Variants in DNAH5 observed in about 807,000 individuals in gnomAD.
DNAH5 encodes dynein axonemal heavy chain 5.
In DNAH5, 372 loss-of-function variants were observed where a neutral mutation model predicts 518.2. The ratio of observed to expected loss-of-function variants is 0.72; its 90% CI spans 0.66 to 0.78. The LOEUF is 0.78. Ranked by LOEUF, DNAH5 falls within the 30% of genes least tolerant of loss-of-function variation. The pLI is 0.00. For missense variants in DNAH5, 5,523 were observed against 5,687.0 expected, an observed-to-expected ratio of 0.97 and a Z score of 0.93; for synonymous variants, 2,039 against 2,025.9, an observed-to-expected ratio of 1.01 and a Z score of -0.17.
intron 51 of DNAH5, among the ~76,000 whole-genome samples, chr5:13,787,844 T>C (rs1047162177): frequency 6.6e-6 from 1 of 152,208 alleles, no homozygotes; most frequent in Non-Finnish European, 1.5e-5. Flanking sequence ...CTCAGAAACT[T>C]TTGATAGTTC....
chr5:13,780,492 T>C (rs10513154), intron 53 of DNAH5, among the ~76,000 whole-genome samples: 43,589 of 152,120 alleles, frequency 0.29, 6,688 homozygotes, highest in South Asian at 0.43. Flanking sequence ...ATTTTTCCAT[T>C]GTATTAACAT....
chr5:13,778,600 G>GAAAGAAAGAAAGAAAGAA (rs1272994718), intron 53 of DNAH5, among the ~76,000 whole-genome samples: 8 of 72,918 alleles, frequency 1.1e-4, no homozygotes, highest in African/African-American at 2.4e-4. Flanking sequence ...GAAAGAAAGA[G>GAAAGAAAGAAAGAAAGAA]AGAGAGAAAG....
chr5:13,729,509 A>G lies in DNAH5; in HGVS notation c.11813T>C (p.Ile3938Thr). 1 of 1,614,000 alleles carries G rather than the reference A, an allele frequency of 6.2e-7. No individual in the cohort carries two copies. Among genetic ancestry groups the G allele is most frequent in the South Asian group, 1.1e-5 (1 of 91,076 alleles). The stretch of plus-strand genomic sequence containing the variant: ...CAAATTCAGCCATGTTATGTCCAGG[A>G]TCCATTTTGATGGTTTTGGAGGACA... Reference protein sequence around the residue: ...KACPPKPSKWILDITWLNLVE... With the variant: ...KACPPKPSKWTLDITWLNLVE... The change falls in exon 69 of 79, where the codon ATC becomes ACC. Residue 3938 changes from isoleucine (I) to threonine (T), a missense_variant. By Grantham distance (89) the Ile-to-Thr change is moderately conservative. This residue lies in a region of DNAH5 where 5,121 missense variants were observed against 5,223.3 expected (regional missense o/e 0.98). Transcript: ENST00000265104.
chr5:13,708,581 T>C (rs1394245931), intron 75 of DNAH5, among the ~76,000 whole-genome samples: 1 of 152,064 alleles, frequency 6.6e-6, no homozygotes, highest in Non-Finnish European at 1.5e-5. Flanking sequence ...CACAGAAGAA[T>C]GTAAAATGCA....
At chr5:13,984,343 G>T (rs1386512208) in intron 1 of DNAH5, among the ~76,000 whole-genome samples, 2 of 152,192 alleles carry the variant, frequency 1.3e-5, no homozygotes, top group Non-Finnish European at 2.9e-5. Flanking sequence ...TGTTATTGGT[G>T]TATAAGAACG....
At chr5:13,935,718 C>A (rs978902731) in intron 1 of DNAH5, among the ~76,000 whole-genome samples, 68 of 152,156 alleles carry the variant, frequency 4.5e-4, no homozygotes, top group African/African-American at 1.5e-3. Flanking sequence ...CACTGTCAAT[C>A]CGCAGACCTA....
chr5:13,772,473 C>G (rs921628479), intron 55 of DNAH5, among the ~76,000 whole-genome samples: 3 of 152,246 alleles, frequency 2.0e-5, no homozygotes, highest in African/African-American at 7.2e-5. Flanking sequence ...AAGCAGAACA[C>G]TCCCTCTTAG....
At chr5:13,912,657 T>C (rs1580858891) in intron 11 of DNAH5, among the ~76,000 whole-genome samples, 1 of 151,454 alleles carries the variant, frequency 6.6e-6, no homozygotes, top group African/African-American at 2.4e-5. Flanking sequence ...ACTATATACA[T>C]ATATACACAC....
intron 1 of DNAH5, among the ~76,000 whole-genome samples, chr5:13,974,597 C>T (rs2152060337): frequency 6.6e-6 from 1 of 152,304 alleles, no homozygotes; most frequent in South Asian, 2.1e-4. Flanking sequence ...AAACCACCCG[C>T]TATAAGTCCC....
intron 68 of DNAH5, among the ~76,000 whole-genome samples, chr5:13,732,662 C>G (rs1291608484): frequency 6.6e-6 from 1 of 152,076 alleles, no homozygotes; most frequent in Non-Finnish European, 1.5e-5. Context: ...AGCCACCGCA[C>G]CTGGGTGGGC....
At chr5:13,815,131 G>A (rs147377775) in intron 42 of DNAH5, among the ~76,000 whole-genome samples, 16 of 152,252 alleles carry the variant, frequency 1.1e-4, no homozygotes, top group African/African-American at 3.4e-4. Flanking sequence ...AGGATATTGT[G>A]GTAAATGAGA....
rs1038705016 is a variant in DNAH5 at position 13,862,450 on chromosome 5, C to G, written c.4796+98G>C. 3.4e-6 allele frequency: 4 copies of G among 1,167,166 alleles called. No homozygotes were observed. In the African/African-American group the frequency reaches 6.1e-5, roughly 18 times the overall value. 72.3% of individuals were successfully genotyped at this position (1,167,166 alleles called of 1,614,324 possible). A position where few individuals can be genotyped will look rare whatever the true frequency, so the allele number is the denominator to read the frequency against. ...ACAAGTATTTTCAACATTGAGTAAA[C>G]TATATGAAGGCTATTATTGTAATGG... is the stretch of plus-strand genomic sequence containing the variant. On this transcript the variant is annotated intron_variant, in intron 29 of 78. Coordinates refer to ENST00000265104, the MANE Select transcript of DNAH5 (RefSeq NM_001369.3).
At chr5:13,897,986 T>C (rs1203254854) in intron 15 of DNAH5, 1 of 152,210 alleles carries the variant, frequency 6.6e-6, no homozygotes, top group Non-Finnish European at 1.5e-5. Flanking sequence ...GAAATTCTAC[T>C]AGCCAGAGGC....
At chr5:13,890,558 G>C (rs1460808466) in intron 17 of DNAH5, among the ~76,000 whole-genome samples, 1 of 152,158 alleles carries the variant, frequency 6.6e-6, no homozygotes, top group Non-Finnish European at 1.5e-5. Context: ...CTCCAGAATT[G>C]TGTGCTATAG....
chr5:13,752,057 G>A, intron 64 of DNAH5, 77 bp downstream of exon 64: 1 of 1,490,626 alleles, frequency 6.7e-7, no homozygotes, highest in Non-Finnish European at 9.4e-7. Context: ...TGCCTATTGA[G>A]AGAATTCTAT....
chr5:13,929,664 T>G (rs1778226039), intron 2 of DNAH5, among the ~76,000 whole-genome samples: 1 of 152,142 alleles, frequency 6.6e-6, no homozygotes, highest in Non-Finnish European at 1.5e-5. Flanking sequence ...AGGGCATGCT[T>G]CCATCACAGC....
intron 75 of DNAH5, among the ~76,000 whole-genome samples, chr5:13,713,124 T>TATATATATATATATATACACACACAC (rs1554018603): frequency 8.9e-5 from 13 of 146,558 alleles, no homozygotes; most frequent in African/African-American, 3.1e-4. Context: ...TATATATATA[T>TATATATATATATATATACACACACAC]ACACACACAC....
chr5:13,882,916 T>C lies in DNAH5; in HGVS notation c.3162A>G (p.Glu1054=). Residue 1054 remains glutamate, a synonymous_variant, in exon 20 of 79, where the codon GAA becomes GAG. Coordinates refer to ENST00000265104, the MANE Select transcript of DNAH5 (RefSeq NM_001369.3). ...ACCCCATACCCACCTTGGACAACAGTTCACTGCTCCACTGTCTGACCCCCT... is the reference window on the plus strand; with the variant it reads ...ACCCCATACCCACCTTGGACAACAGCTCACTGCTCCACTGTCTGACCCCCT... ...VPKGVRQWSS[E]LLSKKKIQER... The C allele has an allele frequency of 1.2e-6, 2 of 1,614,138 alleles. No individual in the cohort carries two copies. The highest frequency in any genetic ancestry group is 1.7e-6 in the Non-Finnish European group (2 of 1,180,008).
At chr5:13,919,439 C>T (rs1777021036) in intron 6 of DNAH5, 87 bp from the exon 7 acceptor site, 1 of 1,504,048 alleles carries the variant, frequency 6.6e-7, no homozygotes, top group Non-Finnish European at 9.1e-7. Flanking sequence ...ATAAGGAAAT[C>T]AATTATCCTA....
Sources: allele counts gnomAD v4.1 joint callset (sites outside exome capture counted in the v4.1 genomes callset), GRCh38; gene constraint gnomAD v4.1.1; regional missense constraint gnomAD v4.1.1; transcripts MANE v1.5; gene names NCBI Gene and HGNC (gene_info 2026-07-23, HGNC 2026-07-21).